Variants in NBAS observed in about 807,000 individuals in gnomAD.
The protein encoded by NBAS is NBAS subunit of NRZ tethering complex.
A neutral mutation model predicts 302.5 loss-of-function variants in NBAS; 219 were observed. The ratio of observed to expected loss-of-function variants is 0.72; its 90% CI spans 0.65 to 0.81. The LOEUF is 0.81. Among genes scored for constraint, NBAS ranks in the 30% least tolerant of loss-of-function variants. The pLI is 0.00. For missense variants in NBAS, 2,932 were observed against 2,841.6 expected, an observed-to-expected ratio of 1.03 and a Z score of -0.72; for synonymous variants, 1,118 against 1,021.6, an observed-to-expected ratio of 1.09 and a Z score of -1.80.
intron 32 of NBAS, among the ~76,000 whole-genome samples, chr2:15,363,851 T>C (rs1408155204): frequency 6.6e-6 from 1 of 152,250 alleles, no homozygotes; most frequent in Non-Finnish European, 1.5e-5. Context: ...CTTAGTGATT[T>C]ACTTCTACAC....
intron 40 of NBAS, among the ~76,000 whole-genome samples, chr2:15,301,189 G>A (rs1001230775): frequency 3.3e-5 from 5 of 152,210 alleles, no homozygotes; most frequent in East Asian, 3.9e-4. Context: ...AAGCTTGAGC[G>A]GTCGCTGTCC....
At chr2:14,857,043 A>T in the NBAS span, among the ~76,000 whole-genome samples, 1 of 152,202 alleles carries the variant, frequency 6.6e-6, no homozygotes, top group Non-Finnish European at 1.5e-5. Context: ...GAAATAAATT[A>T]AAAAGGTAGT....
chr2:14,967,998 C>G, the NBAS span, among the ~76,000 whole-genome samples: 44 of 152,250 alleles, frequency 2.9e-4, no homozygotes, highest in Admixed American at 2.9e-3. Context: ...AGAACCTCCC[C>G]CTAGCTCCAC....
chr2:14,935,474 T>G, the NBAS span, among the ~76,000 whole-genome samples: 1 of 152,228 alleles, frequency 6.6e-6, no homozygotes, highest in African/African-American at 2.4e-5. Context: ...TTCATCTTGG[T>G]CATTTTTTTA....
chr2:15,391,680 T>G (rs1675613900), intron 28 of NBAS, among the ~76,000 whole-genome samples: 2 of 151,804 alleles, frequency 1.3e-5, no homozygotes, highest in South Asian at 4.2e-4. Flanking sequence ...AGACCCAAGA[T>G]CCAAGATCCA....
intron 21 of NBAS, among the ~76,000 whole-genome samples, chr2:15,449,530 A>T (rs74920758): frequency 0.013 from 1,935 of 152,270 alleles, 32 homozygotes; most frequent in East Asian, 0.059. Context: ...CAAGGCCCAA[A>T]AAAACTACTC....
At chr2:15,188,708 G>A (rs1665202020) in intron 49 of NBAS, among the ~76,000 whole-genome samples, 2 of 152,224 alleles carry the variant, frequency 1.3e-5, no homozygotes, top group East Asian at 3.9e-4. Context: ...TGTTTTAAAT[G>A]CAATAAATGT....
the NBAS span, among the ~76,000 whole-genome samples, chr2:15,068,921 G>C: frequency 1.3e-5 from 2 of 152,332 alleles, no homozygotes; most frequent in East Asian, 3.9e-4. Flanking sequence ...CATCCAGTGA[G>C]AGCCTCCTGG....
the NBAS span, among the ~76,000 whole-genome samples, chr2:15,042,149 A>C: frequency 2.8e-4 from 43 of 152,358 alleles, no homozygotes; most frequent in African/African-American, 1.0e-3. Context: ...TTTTGTAAGA[A>C]AGGCAATGGC....
At chr2:15,500,194 A>G (rs996414372) in intron 11 of NBAS, among the ~76,000 whole-genome samples, 14 of 152,152 alleles carry the variant, frequency 9.2e-5, no homozygotes, top group Admixed American at 5.9e-4. Context: ...GTGATTTACT[A>G]TTTCCTGTAA....
At chr2:14,805,111 G>A in the NBAS span, among the ~76,000 whole-genome samples, 1 of 152,154 alleles carries the variant, frequency 6.6e-6, no homozygotes, top group South Asian at 2.1e-4. Context: ...TCCGCCACAG[G>A]ATCAGAAGCA....
chr2:15,444,400 G>C (rs1678611303), intron 21 of NBAS, among the ~76,000 whole-genome samples: 1 of 152,160 alleles, frequency 6.6e-6, no homozygotes, highest in Admixed American at 6.5e-5. Context: ...ACAAGCAATG[G>C]GGAAAGGATT....
chr2:15,447,708 C>T (rs1216591018), intron 21 of NBAS, among the ~76,000 whole-genome samples: 2 of 152,100 alleles, frequency 1.3e-5, no homozygotes, highest in Non-Finnish European at 2.9e-5. Context: ...AATTTGGAAA[C>T]TCAGGTACCT....
In NBAS at chr2:15,461,696, A is replaced by T. The variant is rs1406778441; in HGVS notation, c.2193T>A (p.Thr731=). Residue 731 remains threonine, a synonymous_variant, in exon 20 of 52, where the codon ACT becomes ACA. Coordinates refer to ENST00000281513, the MANE Select transcript of NBAS (RefSeq NM_015909.4). ...ACAAAAAGCAAATTACCTGAGCATA[A>T]GTTCTTGCTGAGAGAACAATATTCT... is the stretch of plus-strand genomic sequence containing the variant. The part of the protein sequence containing the change: ...RNQNIVLSAR[T]YAQESNVQAL... 2 of 1,580,124 alleles carry T rather than the reference A, an allele frequency of 1.3e-6. No homozygotes were observed. Among genetic ancestry groups the T allele is most frequent in the South Asian group, 1.1e-5 (1 of 89,856 alleles).
the NBAS span, among the ~76,000 whole-genome samples, chr2:14,832,612 G>C: frequency 6.6e-6 from 1 of 152,190 alleles, no homozygotes; most frequent in African/African-American, 2.4e-5. Flanking sequence ...CTCTACCAGA[G>C]GGAAAGTGGA....
the NBAS span, among the ~76,000 whole-genome samples, chr2:15,147,795 G>A: frequency 6.6e-6 from 1 of 151,988 alleles, no homozygotes; most frequent in African/African-American, 2.4e-5. Flanking sequence ...ACGCTGAGAG[G>A]CATAATTATC....
chr2:15,033,967 G>A, the NBAS span, among the ~76,000 whole-genome samples: 26 of 122,460 alleles, frequency 2.1e-4, no homozygotes, highest in African/African-American at 7.4e-4. Context: ...AAGAAGAAGA[G>A]GAAGAAAAGA....
chr2:14,815,617 A>C, the NBAS span, among the ~76,000 whole-genome samples: 1 of 152,158 alleles, frequency 6.6e-6, no homozygotes, highest in Non-Finnish European at 1.5e-5. Context: ...TTCTCCTCCC[A>C]AATTCCAACT....
At chr2:15,035,181 T>A in the NBAS span, among the ~76,000 whole-genome samples, 1 of 70,338 alleles carries the variant, frequency 1.4e-5, no homozygotes, top group East Asian at 9.7e-4. Context: ...TTTGTAAATG[T>A]TTCATAATTT....
Sources: allele counts gnomAD v4.1 joint callset (sites outside exome capture counted in the v4.1 genomes callset), GRCh38; gene constraint gnomAD v4.1.1; transcripts MANE v1.5; gene names NCBI Gene and HGNC (gene_info 2026-07-23, HGNC 2026-07-21).